TENM1: variants seen among roughly 807,000 people sequenced by gnomAD.
TENM1 encodes teneurin-1.
In TENM1, 35 loss-of-function variants were observed where a neutral mutation model predicts 174.8. That is an observed-to-expected ratio of 0.20 (90% confidence interval 0.15 to 0.27). TENM1 has a LOEUF of 0.27. Ranked by LOEUF, TENM1 falls within the 10% of genes least tolerant of loss-of-function variation. The pLI is 1.00. For synonymous variants in TENM1, 781 were observed against 798.7 expected, an observed-to-expected ratio of 0.98 and a Z score of 0.37; for missense variants, 1,633 against 2,130.1, an observed-to-expected ratio of 0.77 and a Z score of 4.59.
chrX:124,662,898 TCTGCTCAAGGGCAAGCA>T (rs2051649225), intron 6 of TENM1, among the ~76,000 whole-genome samples: 1 of 112,414 alleles, frequency 8.9e-6, no homozygotes, highest in South Asian at 3.7e-4. Context: ...GTAACGGGAA[TCTGCTCAAGGGCAAGCA>T]CTATGTCTTC....
At chrX:124,747,133 C>T (rs2053938139) in intron 3 of TENM1, among the ~76,000 whole-genome samples, 1 of 104,857 alleles carries the variant, frequency 9.5e-6, no homozygotes, top group Admixed American at 1.0e-4. Flanking sequence ...GCCTGGGCGA[C>T]ACAGCAAGAC....
intron 3 of TENM1, among the ~76,000 whole-genome samples, chrX:124,768,242 A>G (rs2148617880): frequency 8.9e-6 from 1 of 112,449 alleles, no homozygotes; most frequent in African/African-American, 3.2e-5. Flanking sequence ...TTGTGTATCT[A>G]TGCTACAAAG....
intron 30 of TENM1, among the ~76,000 whole-genome samples, chrX:124,383,431 T>C (rs976549338): frequency 2.3e-4 from 26 of 111,939 alleles, no homozygotes; most frequent in African/African-American, 8.1e-4. Context: ...AGCTAAAAAA[T>C]GTAGTAGGAT....
chrX:124,983,911 G>A, the TENM1 span, among the ~76,000 whole-genome samples: 5 of 110,884 alleles, frequency 4.5e-5, no homozygotes, highest in African/African-American at 9.8e-5. Flanking sequence ...CACTGTGCCC[G>A]GGCAATAAGT....
chrX:124,708,595 T>C (rs994288280), intron 4 of TENM1, among the ~76,000 whole-genome samples: 1 of 111,383 alleles, frequency 9.0e-6, no homozygotes, highest in Admixed American at 9.6e-5. Context: ...AAACACATAA[T>C]GTAGTACTAC....
chrX:124,939,096 G>A (rs1767757533), intron 1 of TENM1, among the ~76,000 whole-genome samples: 1 of 111,777 alleles, frequency 8.9e-6, no homozygotes, highest in Admixed American at 9.5e-5. Flanking sequence ...ATGGACTTAG[G>A]TTGGATACAA....
In TENM1 at chrX:124,420,833, A is replaced by G; in HGVS notation, c.4472-12T>C. The G allele has an allele frequency of 8.3e-7, 1 of 1,199,572 alleles. No homozygotes were observed. Among genetic ancestry groups the G allele is most frequent in the Non-Finnish European group, 1.1e-6 (1 of 885,972 alleles). On this transcript the variant is annotated splice_polypyrimidine_tract_variant and intron_variant, in intron 24 of 31. Coordinates refer to ENST00000422452, the Ensembl canonical transcript of TENM1. ...ATAGCCACCATCACCTGTGGGAGAA[A>G]GACTTGATTTTAACAATTGGCATCA... is the stretch of plus-strand genomic sequence containing the variant.
At chrX:125,154,729 G>C in the TENM1 span, among the ~76,000 whole-genome samples, 47,747 of 108,951 alleles carry the variant, frequency 0.44, 8,090 homozygotes, top group South Asian at 0.53. Context: ...GGATGTGTTC[G>C]GAGTTTCTTC....
chrX:125,028,653 C>T, the TENM1 span, among the ~76,000 whole-genome samples: 1 of 111,559 alleles, frequency 9.0e-6, no homozygotes, highest in South Asian at 3.8e-4. Context: ...TGTAACAAAC[C>T]TGCACATGCA....
intron 3 of TENM1, among the ~76,000 whole-genome samples, chrX:124,738,399 T>C (rs1009458950): frequency 1.5e-4 from 17 of 112,426 alleles, no homozygotes; most frequent in African/African-American, 5.5e-4. Context: ...GGCATGGTTT[T>C]TTATTTTTAA....
chrX:124,389,995 T>A (rs1400080761), intron 28 of TENM1, among the ~76,000 whole-genome samples: 1 of 111,753 alleles, frequency 8.9e-6, no homozygotes, highest in Non-Finnish European at 1.9e-5. Context: ...ATAAGCTGGT[T>A]TGTCTCACTG....
At chrX:124,599,728 ATGG>A (rs1313672397) in intron 11 of TENM1, among the ~76,000 whole-genome samples, 6 of 111,384 alleles carry the variant, frequency 5.4e-5, no homozygotes, top group African/African-American at 1.6e-4. Flanking sequence ...ATTTAGTAAA[ATGG>A]TGATTACTGG....
At chrX:124,634,190 C>A (rs940049114) in intron 11 of TENM1, among the ~76,000 whole-genome samples, 4 of 111,598 alleles carry the variant, frequency 3.6e-5, no homozygotes, top group Non-Finnish European at 5.7e-5. Flanking sequence ...CACTATAAAT[C>A]CTCCTATCAT....
the TENM1 span, among the ~76,000 whole-genome samples, chrX:125,090,783 C>T: frequency 5.7e-5 from 6 of 105,850 alleles, no homozygotes; most frequent in East Asian, 1.8e-3. Context: ...GAAACTCACC[C>T]TGTCCAGAAG....
At chrX:124,560,617 T>G (rs745702585) in intron 14 of TENM1, among the ~76,000 whole-genome samples, 13 of 111,190 alleles carry the variant, frequency 1.2e-4, no homozygotes, top group African/African-American at 4.2e-4. Context: ...CTTTTAAAGG[T>G]TAACTGTTAG....
At chrX:125,200,000 A>C in the TENM1 span, among the ~76,000 whole-genome samples, 1 of 111,404 alleles carries the variant, frequency 9.0e-6, no homozygotes. Context: ...AATTGCCATA[A>C]CAGAGCACCG....
At chrX:125,023,102 A>G in the TENM1 span, among the ~76,000 whole-genome samples, 3 of 111,146 alleles carry the variant, frequency 2.7e-5, no homozygotes, top group Non-Finnish European at 5.7e-5. Flanking sequence ...TGAAATGGTT[A>G]GGCTTTGTGT....
At chrX:124,627,119 T>C (rs981538197) in intron 11 of TENM1, among the ~76,000 whole-genome samples, 1 of 111,429 alleles carries the variant, frequency 9.0e-6, no homozygotes, top group Non-Finnish European at 1.9e-5. Context: ...TGAGAGGTGG[T>C]GATGGATTGA....
intron 11 of TENM1, among the ~76,000 whole-genome samples, chrX:124,627,496 C>T (rs1006150689): frequency 8.9e-6 from 1 of 111,835 alleles, no homozygotes; most frequent in African/African-American, 3.2e-5. Context: ...AAAGGCCAGG[C>T]TCCGTGGCAG....
Sources: gnomAD v4.1 joint callset for allele counts (sites outside exome capture counted in the v4.1 genomes callset) on GRCh38, gnomAD v4.1.1 for gene constraint, MANE v1.5 for transcripts, NCBI Gene and HGNC (gene_info 2026-07-23, HGNC 2026-07-21) for gene names.